DAPK1: variants seen among roughly 807,000 people sequenced by gnomAD.
The protein encoded by DAPK1 is death associated protein kinase 1.
A neutral mutation model predicts 144.9 loss-of-function variants in DAPK1; 56 were observed. The observed-to-expected ratio is 0.39, with a 90% CI of 0.31 to 0.48. The LOEUF is 0.48. Ranked by LOEUF, DAPK1 falls within the 20% of genes least tolerant of loss-of-function variation. The pLI, the probability that DAPK1 is intolerant of heterozygous loss-of-function variation, is 0.95. For missense variants in DAPK1, 1,454 were observed against 1,875.4 expected (o/e 0.78, Z 4.15); for synonymous variants, 690 against 749.0 (o/e 0.92, Z 1.29).
intron 2 of DAPK1, among the ~76,000 whole-genome samples, chr9:87,603,273 T>C (rs1473118396): frequency 6.6e-6 from 1 of 152,136 alleles, no homozygotes; most frequent in Non-Finnish European, 1.5e-5. Flanking sequence ...CGCCCCACAA[T>C]AGAGGGAAGG....
At chr9:87,589,929 G>A (rs563032152) in intron 2 of DAPK1, among the ~76,000 whole-genome samples, 1 of 152,264 alleles carries the variant, frequency 6.6e-6, no homozygotes, top group East Asian at 1.9e-4. Flanking sequence ...GAAAAATGAG[G>A]TCACAGGCCT....
chr9:87,579,351 A>G (rs1827673062), intron 2 of DAPK1, among the ~76,000 whole-genome samples: 1 of 152,208 alleles, frequency 6.6e-6, no homozygotes, highest in African/African-American at 2.4e-5. Flanking sequence ...TTACCCAGAT[A>G]GAGAAGAGGA....
At chr9:87,665,096 A>G (rs1831004281) in intron 18 of DAPK1, among the ~76,000 whole-genome samples, 1 of 151,340 alleles carries the variant, frequency 6.6e-6, no homozygotes, top group Non-Finnish European at 1.5e-5. Flanking sequence ...TTTAAATCCT[A>G]TCCCTCCCCC....
At position 87,575,344 on chromosome 9, in the gene DAPK1, C is replaced by T. The variant is rs148956414; in HGVS notation, c.63-29610C>T. On this transcript the variant is annotated intron_variant, in intron 2 of 25. Coordinates refer to ENST00000408954, the MANE Select transcript of DAPK1 (RefSeq NM_004938.4). ...GGCCTCAGCTTGCTGGGGATGTGCA[C>T]GTGTGTTTGGAGCCCAGCAAAGAGC... Among the ~76,000 whole-genome samples the T allele has an allele frequency of 6.9e-3, 1,050 of 152,206 alleles. 5 individuals are homozygous for T. Among genetic ancestry groups the T allele is most frequent in the Middle Eastern group, 0.014 (4 of 294 alleles).
rs527496327 is a variant in DAPK1, at chr9:87,551,927, G to A, written c.62+52788G>A. 7.2e-5 allele frequency among the ~76,000 whole-genome samples: 11 copies of A among 152,316 alleles called. No individual in the cohort carries two copies. In the East Asian group the frequency reaches 1.7e-3, roughly 24 times the overall value. On this transcript the variant is annotated intron_variant, in intron 2 of 25. Coordinates refer to ENST00000408954, the MANE Select transcript of DAPK1 (RefSeq NM_004938.4). ...GCAGATGTGAGTCTCAGATGCCTCCGTGGGCAGCCGGAATCTAGATCAACA... is the reference window on the plus strand; with the variant it reads ...GCAGATGTGAGTCTCAGATGCCTCCATGGGCAGCCGGAATCTAGATCAACA...
intron 2 of DAPK1, among the ~76,000 whole-genome samples, chr9:87,505,846 C>T (rs1441355814): frequency 2.0e-5 from 3 of 152,136 alleles, no homozygotes; most frequent in Admixed American, 1.3e-4. Context: ...CATCACCATA[C>T]CTGGCTAATT....
intron 2 of DAPK1, among the ~76,000 whole-genome samples, chr9:87,502,727 C>T (rs920252795): frequency 2.0e-5 from 3 of 152,198 alleles, no homozygotes; most frequent in Admixed American, 6.5e-5. Context: ...TTCTCTGAGA[C>T]TCTCTTTGTC....
chr9:87,603,161 C>G (rs1042896131), intron 2 of DAPK1, among the ~76,000 whole-genome samples: 1 of 152,106 alleles, frequency 6.6e-6, no homozygotes, highest in Non-Finnish European at 1.5e-5. Flanking sequence ...ACAATAACAT[C>G]TTTGTAAGGA....
At chr9:87,577,348 C>T (rs1353965124) in intron 2 of DAPK1, among the ~76,000 whole-genome samples, 3 of 152,202 alleles carry the variant, frequency 2.0e-5, no homozygotes, top group African/African-American at 7.2e-5. Flanking sequence ...GTGCTAACAT[C>T]TGAGAGCTAC....
intron 19 of DAPK1, among the ~76,000 whole-genome samples, chr9:87,680,087 AATTTATTTATTT>A (rs58756761): frequency 1.3e-5 from 2 of 150,808 alleles, no homozygotes; most frequent in East Asian, 1.9e-4. Flanking sequence ...AATATTTTAA[AATTTATTTATTT>A]ATTTATTTAT....
chr9:87,564,616 A>G (rs1334763387), intron 2 of DAPK1, among the ~76,000 whole-genome samples: 1 of 147,272 alleles, frequency 6.8e-6, no homozygotes, highest in African/African-American at 2.5e-5. Context: ...GAGAGGAGGA[A>G]GGAGCAAGAG....
chr9:87,700,078 A>G lies in DAPK1; in HGVS notation c.2751-39A>G, dbSNP rs770422501. On this transcript the variant is annotated intron_variant, in intron 23 of 25. Coordinates refer to ENST00000408954, the MANE Select transcript of DAPK1 (RefSeq NM_004938.4). ...CCCCTCCATTAAAAGGCCTGGGGAC[A>G]TTGACTCACTGCTGAGGAGGCTGCT... 5 of 1,587,770 alleles carry G rather than the reference A, an allele frequency of 3.1e-6. No individual in the cohort carries two copies. The South Asian group carries it at 4.4e-5, about 14-fold the overall frequency.
In DAPK1 at chr9:87,706,406, T is replaced by C; in HGVS notation, c.3335T>C (p.Leu1112Pro). 6.2e-7 allele frequency: 1 copy of C among 1,612,830 alleles called. No homozygotes were observed. The change falls in exon 26 of 26, where the codon CTG becomes CCG. Residue 1112 changes from leucine (L) to proline (P), a missense_variant. By Grantham distance (98) the Leu-to-Pro change is moderately conservative (BLOSUM62 -3). Around this residue, in one of 2 missense-constraint regions of DAPK1, gnomAD observed 1,025 missense variants for 1,237.9 expected, o/e 0.83. Transcript: ENST00000408954. The surrounding 1 kb of genome is among the most constrained non-coding windows in gnomAD (Gnocchi z 9.0). ...DVPALIKTDN[L>P]HRSWADEEDE... ...CCAGCCCTGATCAAGACAGACAACC[T>C]GCACCGCTCCTGGGCTGATGAGGAG...
At chr9:87,611,851 TC>T (rs1185485019) in intron 3 of DAPK1, among the ~76,000 whole-genome samples, 2 of 152,212 alleles carry the variant, frequency 1.3e-5, no homozygotes, top group African/African-American at 4.8e-5. Flanking sequence ...TCTGGGTTCA[TC>T]TTTTGAGAGG....
intron 3 of DAPK1, chr9:87,633,073 GA>G: frequency 1.0e-6 from 1 of 976,528 alleles, no homozygotes; most frequent in Non-Finnish European, 1.2e-6. Context: ...GAAGGAAGAT[GA>G]ATATATATGT....
chr9:87,649,046 G>A (rs1587809100), intron 15 of DAPK1, among the ~76,000 whole-genome samples, 167 bp downstream of exon 15: 1 of 152,216 alleles, frequency 6.6e-6, no homozygotes, highest in East Asian at 1.9e-4. Context: ...TACTAGCTAA[G>A]GTGTGCAAGG....
At chr9:87,593,223 G>A (rs1259516394) in intron 2 of DAPK1, among the ~76,000 whole-genome samples, 7 of 152,232 alleles carry the variant, frequency 4.6e-5, no homozygotes, top group Admixed American at 4.6e-4. Context: ...CATAGTGCCA[G>A]TGCCAGGAAT....
chr9:87,589,129 G>A (rs560623426), intron 2 of DAPK1, among the ~76,000 whole-genome samples: 4 of 138,728 alleles, frequency 2.9e-5, no homozygotes, highest in African/African-American at 5.6e-5. Context: ...GGCTAGTCTC[G>A]AACTCCTGAC....
At chr9:87,587,869 C>G (rs1314377718) in intron 2 of DAPK1, among the ~76,000 whole-genome samples, 1 of 152,220 alleles carries the variant, frequency 6.6e-6, no homozygotes, top group Non-Finnish European at 1.5e-5. Context: ...AATGTATGAG[C>G]TTTGGCACAT....
Sources: allele counts gnomAD v4.1 joint callset (sites outside exome capture counted in the v4.1 genomes callset), GRCh38; gene constraint gnomAD v4.1.1; regional missense constraint gnomAD v4.1.1; non-coding constraint Gnocchi (gnomAD v3.1); transcripts MANE v1.5; gene names NCBI Gene and HGNC (gene_info 2026-07-23, HGNC 2026-07-21).